Variants in PEAK1 observed in about 807,000 individuals in gnomAD.
PEAK1 encodes the protein pseudopodium enriched atypical kinase 1.
In PEAK1, 54 loss-of-function variants were observed where a neutral mutation model predicts 124.7. That is an observed-to-expected ratio of 0.43 (90% CI 0.35 to 0.54). The LOEUF (loss-of-function observed/expected upper bound fraction) is 0.54. Among genes scored for constraint, PEAK1 ranks in the 20% least tolerant of loss-of-function variants. The pLI is 0.01. For synonymous variants in PEAK1, 719 were observed against 760.0 expected, an observed-to-expected ratio of 0.95 and a Z score of 0.89; for missense variants, 2,046 against 2,134.5, an observed-to-expected ratio of 0.96 and a Z score of 0.82.
At position 77,249,865 on chromosome 15, in the gene PEAK1, C is replaced by G. The variant is rs565457653; in HGVS notation, c.-115+2502G>C. ...TAAATAGGTACACTTAAATCAATAACAGAGAGACAGGGAAATCTGATCACT... is the reference window on the plus strand; with the variant it reads ...TAAATAGGTACACTTAAATCAATAAGAGAGAGACAGGGAAATCTGATCACT... On this transcript the variant is annotated intron_variant, in intron 6 of 9. Coordinates refer to ENST00000682557, the MANE Select transcript of PEAK1 (RefSeq NM_001385026.1). Among the ~76,000 whole-genome samples the G allele has an allele frequency of 3.3e-5, 5 of 152,096 alleles. No homozygotes were observed. The South Asian group carries it at 1.0e-3, about 32-fold the overall frequency.
chr15:77,324,369 T>A (rs2065435331), intron 2 of PEAK1, among the ~76,000 whole-genome samples: 1 of 151,990 alleles, frequency 6.6e-6, no homozygotes, highest in South Asian at 2.1e-4. Flanking sequence ...TAAGCCCAGC[T>A]ACTCAGGAGG....
intron 6 of PEAK1, among the ~76,000 whole-genome samples, chr15:77,197,162 T>C (rs981464738): frequency 6.6e-6 from 1 of 152,072 alleles, no homozygotes; most frequent in Non-Finnish European, 1.5e-5. Context: ...CTAAAACAGC[T>C]TGGAAGACAG....
At chr15:77,290,961 C>G (rs1054019706) in intron 2 of PEAK1, among the ~76,000 whole-genome samples, 2 of 152,090 alleles carry the variant, frequency 1.3e-5, no homozygotes, top group African/African-American at 2.4e-5. Flanking sequence ...TTATTTTAAG[C>G]GTTTAACTAT....
intron 2 of PEAK1, among the ~76,000 whole-genome samples, chr15:77,317,629 C>T (rs2064958837): frequency 6.6e-6 from 1 of 152,180 alleles, no homozygotes; most frequent in Admixed American, 6.5e-5. Flanking sequence ...AGAATGGGGT[C>T]TCCTGACTCT....
intron 1 of PEAK1, among the ~76,000 whole-genome samples, chr15:77,370,006 C>A (rs1488242824): frequency 6.6e-6 from 1 of 152,168 alleles, no homozygotes; most frequent in Non-Finnish European, 1.5e-5. Flanking sequence ...AACTAATCAA[C>A]TAAAAGTGAA....
At chr15:77,420,669 G>A (rs983893429), upstream of PEAK1, 9 of 387,158 alleles carry the variant, frequency 2.3e-5, no homozygotes, top group African/African-American at 2.1e-5. Flanking sequence ...ACGAAAATAA[G>A]GCTCACCTTG....
intron 6 of PEAK1, among the ~76,000 whole-genome samples, chr15:77,218,716 G>A (rs1030258586): frequency 1.3e-5 from 2 of 151,996 alleles, no homozygotes; most frequent in Non-Finnish European, 2.9e-5. Flanking sequence ...CTGAATAACT[G>A]GGACTAATGG....
chr15:77,331,816 C>T (rs1567269761), intron 2 of PEAK1, among the ~76,000 whole-genome samples: 1 of 151,924 alleles, frequency 6.6e-6, no homozygotes, highest in Admixed American at 6.5e-5. Flanking sequence ...CAGGGTCTCA[C>T]CATATTGGCC....
At chr15:77,124,214 C>G (rs867976021) in intron 9 of PEAK1, among the ~76,000 whole-genome samples, 2 of 152,348 alleles carry the variant, frequency 1.3e-5, no homozygotes, top group Non-Finnish European at 2.9e-5. Flanking sequence ...ACAGATTTTC[C>G]AATTGCTCCT....
At chr15:77,266,538 T>C (rs146853331) in intron 5 of PEAK1, among the ~76,000 whole-genome samples, 2 of 152,278 alleles carry the variant, frequency 1.3e-5, no homozygotes, top group East Asian at 1.9e-4. Flanking sequence ...TTAAATGAAA[T>C]GCAAAATCTC....
intron 2 of PEAK1, among the ~76,000 whole-genome samples, chr15:77,305,932 G>A (rs2064077474): frequency 6.6e-6 from 1 of 152,056 alleles, no homozygotes; most frequent in East Asian, 1.9e-4. Context: ...CCACAGATAT[G>A]AAACCCACGG....
chr15:77,244,726 C>T (rs2060503703), intron 6 of PEAK1, among the ~76,000 whole-genome samples: 1 of 151,874 alleles, frequency 6.6e-6, no homozygotes, highest in Admixed American at 6.6e-5. Context: ...GTAGCTGGAA[C>T]TAAAGGCATG....
At chr15:77,312,515 C>T (rs1314322704) in intron 2 of PEAK1, among the ~76,000 whole-genome samples, 1 of 152,206 alleles carries the variant, frequency 6.6e-6, no homozygotes, top group Non-Finnish European at 1.5e-5. Flanking sequence ...TGTGGGGCTA[C>T]ACTCACAGAA....
At chr15:77,263,243 T>C (rs530763812) in intron 5 of PEAK1, among the ~76,000 whole-genome samples, 1 of 151,852 alleles carries the variant, frequency 6.6e-6, no homozygotes, top group South Asian at 2.1e-4. Flanking sequence ...AGGCAAGAAA[T>C]AACTAAGATC....
At chr15:77,412,951 G>A (rs904133497) in intron 1 of PEAK1, among the ~76,000 whole-genome samples, 1 of 152,256 alleles carries the variant, frequency 6.6e-6, no homozygotes, top group African/African-American at 2.4e-5. Context: ...ACAAAATAAT[G>A]ATAGCATTTA....
chr15:77,193,165 C>A (rs938314800), intron 6 of PEAK1, among the ~76,000 whole-genome samples: 1 of 152,076 alleles, frequency 6.6e-6, no homozygotes, highest in Non-Finnish European at 1.5e-5. Flanking sequence ...CTTTAATAAC[C>A]TGAAACAAAA....
chr15:77,352,056 C>T (rs997323273), intron 2 of PEAK1: 2 of 852,658 alleles, frequency 2.3e-6, no homozygotes, highest in African/African-American at 1.8e-5. Context: ...CCCCATCTCT[C>T]CAAAAATTTA....
At chr15:77,259,045 T>C (rs566588003) in intron 5 of PEAK1, among the ~76,000 whole-genome samples, 90 of 152,328 alleles carry the variant, frequency 5.9e-4, no homozygotes, top group African/African-American at 1.9e-3. Context: ...TTTGCGTATA[T>C]TGAACCAGTC....
intron 7 of PEAK1, among the ~76,000 whole-genome samples, chr15:77,167,251 G>C (rs2056166352): frequency 6.6e-6 from 1 of 152,106 alleles, no homozygotes; most frequent in Admixed American, 6.5e-5. Flanking sequence ...AGCAGGGAGG[G>C]GGTAATAATT....
Sources: gnomAD v4.1 joint callset for allele counts (sites outside exome capture counted in the v4.1 genomes callset) on GRCh38, gnomAD v4.1.1 for gene constraint, MANE v1.5 for transcripts, NCBI Gene and HGNC (gene_info 2026-07-23, HGNC 2026-07-21) for gene names.